YIPF4: variants seen among roughly 807,000 people sequenced by gnomAD.
YIPF4 encodes protein YIPF4.
A neutral mutation model predicts 29.4 loss-of-function variants in YIPF4; 18 were observed. That is an observed-to-expected ratio of 0.61 (90% CI 0.42 to 0.91). The LOEUF (loss-of-function observed/expected upper bound fraction) is 0.91, where lower values mean the gene tolerates loss of function less well. Ranked by LOEUF, YIPF4 falls within the 40% of genes least tolerant of loss-of-function variation. YIPF4 has a pLI of 0.00. For missense variants in YIPF4, 279 were observed against 282.7 expected, an observed-to-expected ratio of 0.99 and a Z score of 0.09; for synonymous variants, 115 against 104.7, an observed-to-expected ratio of 1.10 and a Z score of -0.60.
In YIPF4 at chr2:32,310,026, T is replaced by G. The variant is rs1461300989; in HGVS notation, c.*4400T>G. 6.6e-6 allele frequency: 1 copy of G among 152,154 alleles called. No individual in the cohort carries two copies. Among genetic ancestry groups the G allele is most frequent in the Non-Finnish European group, 1.5e-5 (1 of 68,028 alleles). The allele number at this position is 152,154 out of a possible 1,614,324, so 9.4% of individuals were successfully genotyped here. ...AAAATAATATCTTACTTTCATATGA[T>G]TCTTTCAGACTGTGGTATGGCATTC... is the stretch of plus-strand genomic sequence containing the variant. On this transcript the variant is annotated 3_prime_UTR_variant, in exon 6 of 6. Transcript: ENST00000238831.
In YIPF4 at chr2:32,298,309, G is replaced by T; in HGVS notation, c.481G>T (p.Glu161Ter). The T allele has an allele frequency of 6.2e-7, 1 of 1,600,544 alleles. No individual in the cohort carries two copies. The highest frequency in any genetic ancestry group is 8.6e-7 in the Non-Finnish European group (1 of 1,169,258). Residue 161 changes from glutamate to a stop codon, truncating the protein, a stop_gained and splice_region_variant, in exon 4 of 6, where the codon GAA (glutamate) becomes TAA (stop). Coordinates refer to ENST00000238831, the MANE Select transcript of YIPF4 (RefSeq NM_032312.4). LOFTEE classifies it high-confidence loss of function. ...CTTACTGGCCAGAGTTCTTGGTGGA[G>T]AAGTAAGTAGTTTATTTTGAAAATA... The part of the protein sequence containing the change: ...IFLLARVLGG[E>*]VAYGQVLGVI...
At chr2:32,290,416 G>C in intron 1 of YIPF4, 67 bp from the exon 2 acceptor site, 1 of 1,185,392 alleles carries the variant, frequency 8.4e-7, no homozygotes, top group Non-Finnish European at 1.1e-6. Flanking sequence ...TTGAATATCT[G>C]CTCACTTTGG....
At position 32,311,050 on chromosome 2, in the gene YIPF4, C is replaced by T. The variant is rs1386970461; in HGVS notation, c.*5424C>T. The T allele has an allele frequency of 6.6e-6, 1 of 151,944 alleles. No homozygotes were observed. 9.4% of individuals were successfully genotyped at this position (151,944 alleles called of 1,614,324 possible). A position where few individuals can be genotyped will look rare whatever the true frequency, so the allele number is the denominator to read the frequency against. Reference sequence around the variant, plus strand: ...TTGACATCAAAAAAGCTAGACATTCCTACATTTTTGCACTACAATACATAA... The same window carrying T: ...TTGACATCAAAAAAGCTAGACATTCTTACATTTTTGCACTACAATACATAA... On this transcript the variant is annotated 3_prime_UTR_variant, in exon 6 of 6. Coordinates refer to ENST00000238831, the MANE Select transcript of YIPF4 (RefSeq NM_032312.4).
rs2031813371 is a variant in YIPF4 at position 32,315,745 on chromosome 2, A to G, written c.*10119A>G. 2 of 152,236 alleles carry G rather than the reference A, an allele frequency of 1.3e-5. No homozygotes were observed. Among genetic ancestry groups the G allele is most frequent in the Non-Finnish European group, 2.9e-5 (2 of 68,096 alleles). 9.4% of individuals were successfully genotyped at this position (152,236 alleles called of 1,614,324 possible). A position where few individuals can be genotyped will look rare whatever the true frequency, so the allele number is the denominator to read the frequency against. On this transcript the variant is annotated 3_prime_UTR_variant, in exon 6 of 6. Transcript: ENST00000238831. ...ACAAGGCAAGACTCCGTCTCAAAAA[A>G]AAAAAGAAAAATATAAAGCTGGATC...
rs2031582830 is a variant in YIPF4, at chr2:32,306,372, G to A, written c.*746G>A. The stretch of plus-strand genomic sequence containing the variant: ...ATTTAAAGTTTCTGTTTATCTTTCT[G>A]ACCAAAGGAGCAAGAGGTATAATGG... On this transcript the variant is annotated 3_prime_UTR_variant, in exon 6 of 6. Transcript: ENST00000238831. The A allele has an allele frequency of 1.0e-6, 1 of 985,482 alleles. No homozygotes were observed. The highest frequency in any genetic ancestry group is 1.7e-5 in the African/African-American group (1 of 57,180). 61.0% of individuals were successfully genotyped at this position (985,482 alleles called of 1,614,324 possible).
Position 32,298,316 on chromosome 2 carries a change from GTAGTT to G in YIPF4, c.483+8_483+12del. On this transcript the variant is annotated splice_donor_region_variant and intron_variant, in intron 4 of 5. Transcript: ENST00000238831. ...GCCAGAGTTCTTGGTGGAGAAGTAA[GTAGTT>G]TATTTTGAAAATAATCTTCCTTATT... The G allele has an allele frequency of 6.3e-7, 1 of 1,596,366 alleles. No homozygotes were observed. Among genetic ancestry groups the G allele is most frequent in the South Asian group, 1.1e-5 (1 of 90,186 alleles).
intron 1 of YIPF4, among the ~76,000 whole-genome samples, chr2:32,278,573 G>C (rs1000447426): frequency 9.2e-5 from 14 of 152,122 alleles, no homozygotes; most frequent in African/African-American, 3.4e-4. Context: ...CTCAGAAAAA[G>C]GACAGATTGG....
chr2:32,291,528 A>T (rs1472624056), intron 2 of YIPF4, among the ~76,000 whole-genome samples: 1 of 152,214 alleles, frequency 6.6e-6, no homozygotes, highest in African/African-American at 2.4e-5. Context: ...TGGGTGAAAA[A>T]GCAAGACTCT....
In YIPF4 at chr2:32,314,866, G is replaced by T; in HGVS notation, c.*9240G>T. Reference sequence around the variant, plus strand: ...GAATTATACCCAATTAATTATACATGGGAAGGTGATGAAGGTAGCATGTCA... The same window carrying T: ...GAATTATACCCAATTAATTATACATTGGAAGGTGATGAAGGTAGCATGTCA... On this transcript the variant is annotated 3_prime_UTR_variant, in exon 6 of 6. Transcript: ENST00000238831. 1 of 152,214 alleles carries T rather than the reference G, an allele frequency of 6.6e-6. No homozygotes were observed. 9.4% of individuals were successfully genotyped at this position (152,214 alleles called of 1,614,324 possible).
chr2:32,312,528 A>G lies in YIPF4; in HGVS notation c.*6902A>G, dbSNP rs1418606104. ...AAAAAAAAAAAAAAAAATTATTTTC[A>G]AAGGATTGTGCTAGTGGTGGCCTGA... On this transcript the variant is annotated 3_prime_UTR_variant, in exon 6 of 6. Coordinates refer to ENST00000238831, the MANE Select transcript of YIPF4 (RefSeq NM_032312.4). 6.9e-6 allele frequency: 1 copy of G among 145,258 alleles called. No homozygotes were observed. Among genetic ancestry groups the G allele is most frequent in the Non-Finnish European group, 1.5e-5 (1 of 66,502 alleles). 9.0% of individuals were successfully genotyped at this position (145,258 alleles called of 1,614,324 possible). A position where few individuals can be genotyped will look rare whatever the true frequency, so the allele number is the denominator to read the frequency against.
Position 32,305,878 on chromosome 2 carries a change from T to C in YIPF4, c.*252T>C, listed in dbSNP as rs2031565316. On this transcript the variant is annotated 3_prime_UTR_variant, in exon 6 of 6. Transcript: ENST00000238831. ...TTCCAGTGAATAAAATACAAAAGCA[T>C]TGTGTTTTTAAGATTGTGTCGATAT... The C allele has an allele frequency of 9.1e-7, 1 of 1,096,064 alleles. No homozygotes were observed. Among genetic ancestry groups the C allele is most frequent in the South Asian group, 4.4e-5 (1 of 22,894 alleles). The allele number at this position is 1,096,064 out of a possible 1,614,324, so 67.9% of individuals were successfully genotyped here.
intron 1 of YIPF4, among the ~76,000 whole-genome samples, chr2:32,279,746 A>G (rs556822847): frequency 5.3e-5 from 8 of 152,132 alleles, no homozygotes; most frequent in African/African-American, 1.7e-4. Context: ...TTTATGGTGT[A>G]TCAGTATAGC....
intron 3 of YIPF4, among the ~76,000 whole-genome samples, chr2:32,296,256 G>C (rs1328857044): frequency 6.6e-6 from 1 of 152,120 alleles, no homozygotes; most frequent in Non-Finnish European, 1.5e-5. Flanking sequence ...GGATCATGAT[G>C]AGGTCAGGAG....
chr2:32,292,285 C>T lies in YIPF4; in HGVS notation c.342C>T (p.Asp114=), dbSNP rs768926828. The change falls in exon 3 of 6, where the codon GAC becomes GAT. Residue 114 remains aspartate, a synonymous_variant. Transcript: ENST00000238831. ...FNRQVVRDNP[D]FWGPLAVVLF... is the part of the protein sequence containing the mutation. ...GACAAGTGGTGAGAGACAATCCTGA[C>T]TTTTGGGGTCCTCTGGCTGTTGTTC... 2 of 1,605,586 alleles carry T rather than the reference C, an allele frequency of 1.2e-6. No homozygotes were observed. The highest frequency in any genetic ancestry group is 2.7e-5 in the African/African-American group (2 of 74,728).
At chr2:32,301,003 T>A (rs2031385568) in intron 4 of YIPF4, among the ~76,000 whole-genome samples, 1 of 152,214 alleles carries the variant, frequency 6.6e-6, no homozygotes, top group Non-Finnish European at 1.5e-5. Context: ...ATCTAGGTTC[T>A]CTAGACCTTG....
chr2:32,284,554 C>T (rs890749093), intron 1 of YIPF4, among the ~76,000 whole-genome samples: 1 of 152,164 alleles, frequency 6.6e-6, no homozygotes, highest in African/African-American at 2.4e-5. Context: ...GTAAAACTGC[C>T]TGCTTCCCCT....
intron 4 of YIPF4, 45 bp downstream of exon 4, chr2:32,298,356 C>G (rs1273603475): frequency 6.7e-7 from 1 of 1,482,960 alleles, no homozygotes; most frequent in African/African-American, 1.4e-5. Flanking sequence ...TTATGGTGAG[C>G]TTAGTTTTTG....
intron 1 of YIPF4, among the ~76,000 whole-genome samples, chr2:32,285,719 G>A (rs576630724): frequency 7.3e-4 from 109 of 149,886 alleles, no homozygotes; most frequent in Admixed American, 1.5e-3. Flanking sequence ...GCAGTGGTGC[G>A]ATCTCAGCTC....
Position 32,312,243 on chromosome 2 carries a change from C to G in YIPF4, c.*6617C>G, listed in dbSNP as rs2031727942. On this transcript the variant is annotated 3_prime_UTR_variant, in exon 6 of 6. Coordinates refer to ENST00000238831, the MANE Select transcript of YIPF4 (RefSeq NM_032312.4). ...GTGGCTCACGCCTGTAATCCCAGCACTTTGGGAGGCCGAGGTGGGCGGACC... is the reference window on the plus strand; with the variant it reads ...GTGGCTCACGCCTGTAATCCCAGCAGTTTGGGAGGCCGAGGTGGGCGGACC... 1 of 151,938 alleles carries G rather than the reference C, an allele frequency of 6.6e-6. No homozygotes were observed. The highest frequency in any genetic ancestry group is 6.6e-5 in the Admixed American group (1 of 15,234). 9.4% of individuals were successfully genotyped at this position (151,938 alleles called of 1,614,324 possible).
Sources: gnomAD v4.1 joint callset for allele counts (sites outside exome capture counted in the v4.1 genomes callset) on GRCh38, gnomAD v4.1.1 for gene constraint, MANE v1.5 for transcripts, NCBI Gene and HGNC (gene_info 2026-07-23, HGNC 2026-07-21) for gene names.